TF: variants seen among roughly 807,000 people sequenced by gnomAD.
TF encodes the protein serotransferrin.
TF carries 55 observed loss-of-function variants against 82.4 expected under a neutral mutation model. The observed-to-expected ratio is 0.67, with a 90% CI of 0.54 to 0.84. The LOEUF (loss-of-function observed/expected upper bound fraction) is 0.84, where lower values mean the gene tolerates loss of function less well. Among genes scored for constraint, TF ranks in the 40% least tolerant of loss-of-function variants. The pLI is 0.00. For missense variants in TF, 737 were observed against 868.4 expected (o/e 0.85, Z 1.90); for synonymous variants, 332 against 332.6 (o/e 1.00, Z 0.02).
chr3:133,755,516 T>C, intron 5 of TF, 21 bp downstream of exon 5: 5 of 1,613,818 alleles, frequency 3.1e-6, no homozygotes, highest in Non-Finnish European at 4.2e-6. Context: ...TGTCTGCTGC[T>C]CCATGGTGGC....
the TF span, among the ~76,000 whole-genome samples, chr3:133,695,656 A>G: frequency 6.6e-6 from 1 of 152,198 alleles, no homozygotes; most frequent in Non-Finnish European, 1.5e-5. Flanking sequence ...GCCACAGGAG[A>G]GTTTCTATGT....
the TF span, among the ~76,000 whole-genome samples, chr3:133,665,817 C>T: frequency 7.3e-5 from 11 of 151,368 alleles, no homozygotes; most frequent in Admixed American, 3.3e-4. Context: ...TGGTGGCAGG[C>T]GCCTGTACTC....
the TF span, among the ~76,000 whole-genome samples, chr3:133,676,388 T>G: frequency 6.6e-6 from 1 of 152,102 alleles, no homozygotes; most frequent in Non-Finnish European, 1.5e-5. Context: ...TTTGCGAGGG[T>G]GGGCTCCTCC....
the TF span, among the ~76,000 whole-genome samples, chr3:133,724,845 A>G: frequency 6.6e-6 from 1 of 152,212 alleles, no homozygotes; most frequent in South Asian, 2.1e-4. Context: ...AGGTGTAAGG[A>G]AGGGATCCAG....
the TF span, chr3:133,700,107 T>C: frequency 6.5e-6 from 1 of 153,920 alleles, no homozygotes; most frequent in Non-Finnish European, 1.4e-5. Flanking sequence ...TCTTACCTGA[T>C]GGAATTGGAC....
intron 2 of TF, among the ~76,000 whole-genome samples, chr3:133,750,362 T>G (rs1308072545): frequency 6.6e-6 from 1 of 152,074 alleles, no homozygotes; most frequent in African/African-American, 2.4e-5. Context: ...ATTCTACAGT[T>G]CTCAGCACAA....
chr3:133,695,680 A>G, the TF span, among the ~76,000 whole-genome samples: 4 of 152,170 alleles, frequency 2.6e-5, no homozygotes, highest in African/African-American at 7.2e-5. Flanking sequence ...CATTTCTTTT[A>G]CAGTAATTCC....
upstream of TF, among the ~76,000 whole-genome samples, chr3:133,742,485 C>T (rs190735821): frequency 6.6e-6 from 1 of 151,638 alleles, no homozygotes; most frequent in African/African-American, 2.4e-5. Context: ...AGAGTGAGAG[C>T]GAGTGAGCAG....
chr3:133,692,254 G>A, the TF span, among the ~76,000 whole-genome samples: 2 of 152,230 alleles, frequency 1.3e-5, no homozygotes, highest in Non-Finnish European at 2.9e-5. Flanking sequence ...GTCTAAGAAT[G>A]AGGCTTTACC....
At chr3:133,662,522 C>A in the TF span, 3 of 152,326 alleles carry the variant, frequency 2.0e-5, no homozygotes, top group African/African-American at 7.2e-5. Flanking sequence ...GCAAAGGGAT[C>A]TTTGTCAAGA....
chr3:133,753,343 G>A (rs1933728559), intron 2 of TF, among the ~76,000 whole-genome samples: 2 of 152,204 alleles, frequency 1.3e-5, no homozygotes, highest in African/African-American at 4.8e-5. Flanking sequence ...TTGGCCAGGA[G>A]CTGGGCACCT....
chr3:133,783,688 T>TA lies in TF; in HGVS notation c.*5073dup, dbSNP rs1934570425. ...GCTAATCTATATTTTGAAATCAGTA[T>TA]AAAAAGACGAACAGAATTTGAGATG... On this transcript the variant is annotated 3_prime_UTR_variant, in exon 17 of 17. Coordinates refer to ENST00000402696, the MANE Select transcript of TF (RefSeq NM_001063.4). 6.6e-6 allele frequency: 1 copy of TA among 152,256 alleles called. No individual in the cohort carries two copies. The highest frequency in any genetic ancestry group is 1.5e-5 in the Non-Finnish European group (1 of 68,042). The allele number at this position is 152,256 out of a possible 1,614,324, so 9.4% of individuals were successfully genotyped here. A position where few individuals can be genotyped will look rare whatever the true frequency, so the allele number is the denominator to read the frequency against.
the TF span, among the ~76,000 whole-genome samples, chr3:133,673,454 A>G: frequency 6.6e-6 from 1 of 152,238 alleles, no homozygotes; most frequent in African/African-American, 2.4e-5. Context: ...TTAAGAGCCC[A>G]CTGAAGACTA....
Position 133,757,937 on chromosome 3 carries a change from G to A in TF, c.1039G>A (p.Glu347Lys). 2 of 1,614,168 alleles carry A rather than the reference G, an allele frequency of 1.2e-6. No individual in the cohort carries two copies. Among genetic ancestry groups the A allele is most frequent in the Non-Finnish European group, 1.7e-6 (2 of 1,180,020 alleles). ...EYVTAIRNLR[E>K]GTCPEAPTDE... ...TGTCACTGCCATCCGGAATCTACGGGAAGGCACATGTGAGTACCTGGGAAG... is the reference window on the plus strand; with the variant it reads ...TGTCACTGCCATCCGGAATCTACGGAAAGGCACATGTGAGTACCTGGGAAG... Residue 347 changes from glutamate (E) to lysine (K), a missense_variant, in exon 8 of 17, where the codon GAA (glutamate) becomes AAA (lysine). By Grantham distance (56) the Glu-to-Lys change is moderately conservative (BLOSUM62 1). Coordinates refer to ENST00000402696, the MANE Select transcript of TF (RefSeq NM_001063.4).
chr3:133,738,958 A>T, the TF span, among the ~76,000 whole-genome samples: 1 of 152,328 alleles, frequency 6.6e-6, no homozygotes, highest in South Asian at 2.1e-4. Flanking sequence ...AATTGGAAAA[A>T]ACTACTTTAA....
intron 13 of TF, among the ~76,000 whole-genome samples, chr3:133,769,444 A>G (rs1044961157): frequency 6.6e-6 from 1 of 152,256 alleles, no homozygotes; most frequent in African/African-American, 2.4e-5. Context: ...CTCAAATAAC[A>G]TGTATGTATA....
rs1279275730 is a variant in TF at position 133,787,837 on chromosome 3, G to C, written c.*9217G>C. On this transcript the variant is annotated 3_prime_UTR_variant, in exon 17 of 17. Transcript: ENST00000402696. ...TATCCACTCTCTAGATACTAAAGAG[G>C]TTGCCAATGTATGACAAAAATAGTA... The C allele has an allele frequency of 6.6e-6, 1 of 152,140 alleles. No individual in the cohort carries two copies. Among genetic ancestry groups the C allele is most frequent in the African/African-American group, 2.4e-5 (1 of 41,418 alleles). 9.4% of individuals were successfully genotyped at this position (152,140 alleles called of 1,614,324 possible).
At chr3:133,669,378 T>C in the TF span, among the ~76,000 whole-genome samples, 1 of 152,222 alleles carries the variant, frequency 6.6e-6, no homozygotes, top group South Asian at 2.1e-4. Context: ...AAGTCTGTTT[T>C]CTGGGTCTGC....
At chr3:133,712,857 G>A in the TF span, 1 of 152,670 alleles carries the variant, frequency 6.6e-6, no homozygotes, top group Admixed American at 6.5e-5. Flanking sequence ...TACATTTCTT[G>A]TCCTGTCACT....
Sources: allele counts gnomAD v4.1 joint callset (sites outside exome capture counted in the v4.1 genomes callset), GRCh38; gene constraint gnomAD v4.1.1; transcripts MANE v1.5; gene names NCBI Gene and HGNC (gene_info 2026-07-23, HGNC 2026-07-21).